Variants in ITPRID1 observed in about 807,000 individuals in gnomAD.
ITPRID1 encodes protein ITPRID1.
In ITPRID1, 96 loss-of-function variants were observed where a neutral mutation model predicts 95.4. That is an observed-to-expected ratio of 1.01 (90% CI 0.85 to 1.19). The LOEUF (loss-of-function observed/expected upper bound fraction) is 1.19. Among genes scored for constraint, ITPRID1 ranks in the 50% most tolerant of loss-of-function variants. The pLI is 0.00. For missense variants in ITPRID1, 1,339 were observed against 1,252.9 expected (o/e 1.07, Z -1.04); for synonymous variants, 510 against 453.6 (o/e 1.12, Z -1.58).
At chr7:31,614,634 A>ATTGAT (rs909780373) in intron 10 of ITPRID1, among the ~76,000 whole-genome samples, 1 of 152,128 alleles carries the variant, frequency 6.6e-6, no homozygotes, top group African/African-American at 2.4e-5. Context: ...TATGGAATTA[A>ATTGAT]TTGATTAACT....
Position 31,651,286 on chromosome 7 carries a change from G to T in ITPRID1, c.2711+17G>T. On this transcript the variant is annotated intron_variant, in intron 13 of 14. Transcript: ENST00000615280. ...GGAGGAAAGGTAATTACCTAAGGGA[G>T]CCATAAAAGTAAGTACCAGCCCACA... 1 of 1,610,848 alleles carries T rather than the reference G, an allele frequency of 6.2e-7. No individual in the cohort carries two copies. Among genetic ancestry groups the T allele is most frequent in the Non-Finnish European group, 8.5e-7 (1 of 1,178,250 alleles).
intron 10 of ITPRID1, among the ~76,000 whole-genome samples, chr7:31,587,775 C>T (rs888593183): frequency 2.2e-4 from 33 of 150,766 alleles, no homozygotes; most frequent in African/African-American, 8.1e-4. Context: ...CAGCATGGTA[C>T]TGGTACCAAA....
Position 31,651,209 on chromosome 7 carries a change from T to C in ITPRID1, c.2651T>C (p.Ile884Thr). ...AGTTTCCGGGAGTATTTAGAAGAAA[T>C]TGAACAGCACCTTATGGGACAGCAG... ...CQSFREYLEE[I>T]EQHLMGQQAL... The change falls in exon 13 of 15, where the codon ATT (isoleucine) becomes ACT (threonine). Residue 884 changes from isoleucine to threonine, a missense_variant. Transcript: ENST00000615280. The C allele has an allele frequency of 6.2e-7, 1 of 1,613,612 alleles. No individual in the cohort carries two copies. The highest frequency in any genetic ancestry group is 8.5e-7 in the Non-Finnish European group (1 of 1,179,672).
At chr7:31,529,705 CA>C in intron 1 of ITPRID1, 1 of 1,380,960 alleles carries the variant, frequency 7.2e-7, no homozygotes, top group Non-Finnish European at 9.9e-7. Context: ...GCTTTGTAGT[CA>C]GTCTTAGCTG....
chr7:31,533,723 G>C lies in ITPRID1; in HGVS notation c.-97-15703G>C, dbSNP rs150349847. Among the ~76,000 whole-genome samples the C allele has an allele frequency of 6.6e-3, 1,010 of 152,122 alleles. 11 individuals are homozygous for C. Among genetic ancestry groups the C allele is most frequent in the African/African-American group, 0.023 (968 of 41,510 alleles). ...ATTGTGATTTCTTCTTTGACCCATTGGTCATTTAAAGCATTATGGTTTAAT... is the reference window on the plus strand; with the variant it reads ...ATTGTGATTTCTTCTTTGACCCATTCGTCATTTAAAGCATTATGGTTTAAT... On this transcript the variant is annotated intron_variant, in intron 1 of 14. Transcript: ENST00000615280.
chr7:31,599,907 C>T (rs1463914225), intron 10 of ITPRID1, among the ~76,000 whole-genome samples: 5 of 151,922 alleles, frequency 3.3e-5, no homozygotes, highest in African/African-American at 1.2e-4. Context: ...ACTATGTTAG[C>T]CAGGATGGTC....
chr7:31,624,569 A>G (rs1161702374), intron 10 of ITPRID1, among the ~76,000 whole-genome samples: 2 of 140,922 alleles, frequency 1.4e-5, no homozygotes, highest in Middle Eastern at 3.4e-3. Flanking sequence ...GGCTAGCCAT[A>G]TGTAGAAAGC....
chr7:31,560,134 T>C (rs7802850), intron 5 of ITPRID1, among the ~76,000 whole-genome samples: 37,835 of 152,132 alleles, frequency 0.25, 4,911 homozygotes, highest in Middle Eastern at 0.36. Context: ...GAACATTTGT[T>C]ATCTGGGGAT....
Position 31,578,345 on chromosome 7 carries a change from A to C in ITPRID1, c.1081A>C (p.Thr361Pro). Residue 361 changes from threonine to proline, a missense_variant, in exon 9 of 15, where the codon ACT becomes CCT. By Grantham distance (38) the Thr-to-Pro change is conservative. Transcript: ENST00000615280. The stretch of plus-strand genomic sequence containing the variant: ...GTCTGAGGGGTCAGTCAAGGGCAGA[A>C]CTCAGAAGGAGAACTTATTTCAGAC... ...CVSEGSVKGR[T>P]QKENLFQTNK... 6.2e-7 allele frequency: 1 copy of C among 1,613,876 alleles called. No individual in the cohort carries two copies.
At chr7:31,526,831 C>T (rs1783437409) in intron 1 of ITPRID1, among the ~76,000 whole-genome samples, 1 of 152,070 alleles carries the variant, frequency 6.6e-6, no homozygotes, top group South Asian at 2.1e-4. Flanking sequence ...TTACCTGGTC[C>T]CCAGCCTCCT....
In ITPRID1 at chr7:31,554,154, C is replaced by T. The variant is rs562653748; in HGVS notation, c.164-321C>T. Among the ~76,000 whole-genome samples, 8 of 152,240 alleles carry T rather than the reference C, an allele frequency of 5.3e-5. No homozygotes were observed. In the South Asian group the frequency reaches 1.2e-3, roughly 24 times the overall value. Reference sequence around the variant, plus strand: ...GACAAAAGTCTCTTATGCTTTCTCACCCTTTGTATTCACACCAGGTAATTT... The same window carrying T: ...GACAAAAGTCTCTTATGCTTTCTCATCCTTTGTATTCACACCAGGTAATTT... On this transcript the variant is annotated intron_variant, in intron 3 of 14. Transcript: ENST00000615280.
rs748462648 is a variant in ITPRID1, at chr7:31,569,843, T to G, written c.308+34T>G. The G allele has an allele frequency of 7.1e-6, 11 of 1,544,358 alleles. No homozygotes were observed. In the East Asian group the frequency reaches 2.6e-4, roughly 36 times the overall value. The stretch of plus-strand genomic sequence containing the variant: ...CAGAATCAGTGTTACTTCATGCCAA[T>G]ATTTTGCAGCCACACCTTTGCTGAA... On this transcript the variant is annotated intron_variant, in intron 6 of 14. Coordinates refer to ENST00000615280, the MANE Select transcript of ITPRID1 (RefSeq NM_001257967.3).
intron 10 of ITPRID1, among the ~76,000 whole-genome samples, chr7:31,617,339 G>GTGTT (rs1787348690): frequency 6.6e-6 from 1 of 152,132 alleles, no homozygotes; most frequent in Admixed American, 6.6e-5. Context: ...TAAAGAATAA[G>GTGTT]TGTTAAATTT....
At chr7:31,638,965 C>G (rs889700936) in intron 10 of ITPRID1, among the ~76,000 whole-genome samples, 2 of 151,972 alleles carry the variant, frequency 1.3e-5, no homozygotes, top group Non-Finnish European at 2.9e-5. Context: ...TTGGTAGACA[C>G]GGGATTTCAC....
chr7:31,652,386 A>G (rs1186781643), intron 14 of ITPRID1, 132 bp from the exon 15 acceptor site: 12 of 1,354,674 alleles, frequency 8.9e-6, no homozygotes, highest in Non-Finnish European at 1.2e-5. Flanking sequence ...CACTATCAGA[A>G]TCTGCTGCTG....
intron 1 of ITPRID1, among the ~76,000 whole-genome samples, chr7:31,533,058 C>G (rs1783651087): frequency 6.6e-6 from 1 of 151,356 alleles, no homozygotes; most frequent in South Asian, 2.1e-4. Context: ...TTTTTATGTT[C>G]AGAAAAAAAT....
At chr7:31,595,739 C>T (rs1433589140) in intron 10 of ITPRID1, among the ~76,000 whole-genome samples, 1 of 151,582 alleles carries the variant, frequency 6.6e-6, no homozygotes, top group African/African-American at 2.4e-5. Flanking sequence ...AGAAGTTAGA[C>T]ATTAATAAAG....
chr7:31,650,103 C>T (rs535543083), intron 12 of ITPRID1, among the ~76,000 whole-genome samples: 40 of 152,240 alleles, frequency 2.6e-4, no homozygotes, highest in Non-Finnish European at 4.9e-4. Context: ...GACAGAGGCC[C>T]AAACCTTCTA....
intron 5 of ITPRID1, among the ~76,000 whole-genome samples, chr7:31,562,184 T>G (rs554125349): frequency 1.3e-5 from 2 of 151,690 alleles, no homozygotes; most frequent in South Asian, 4.2e-4. Context: ...AGGATTATAA[T>G]GCGAGTGAGA....
Sources: allele counts gnomAD v4.1 joint callset (sites outside exome capture counted in the v4.1 genomes callset), GRCh38; gene constraint gnomAD v4.1.1; transcripts MANE v1.5; gene names NCBI Gene and HGNC (gene_info 2026-07-23, HGNC 2026-07-21).